Variants in SLC25A17 observed in about 807,000 individuals in gnomAD.
SLC25A17 encodes peroxisomal membrane protein PMP34.
In SLC25A17, 26 loss-of-function variants were observed where a neutral mutation model predicts 38.5. That is an observed-to-expected ratio of 0.68 (90% CI 0.50 to 0.94). The LOEUF is 0.94. Ranked by LOEUF, SLC25A17 falls within the 40% of genes least tolerant of loss-of-function variation. SLC25A17 has a pLI of 0.00. For missense variants in SLC25A17, 333 were observed against 372.7 expected, an observed-to-expected ratio of 0.89 and a Z score of 0.88; for synonymous variants, 139 against 136.2, an observed-to-expected ratio of 1.02 and a Z score of -0.14.
intron 1 of SLC25A17, among the ~76,000 whole-genome samples, chr22:40,799,363 C>CTTTT (rs566690843): frequency 2.2e-5 from 3 of 135,152 alleles, no homozygotes; most frequent in Admixed American, 7.5e-5. Flanking sequence ...GGAGTCACAA[C>CTTTT]TTTTTTTTTT....
intron 2 of SLC25A17, 138 bp downstream of exon 2, chr22:40,798,885 G>A: frequency 1.7e-6 from 1 of 579,432 alleles, no homozygotes; most frequent in Non-Finnish European, 3.1e-6. Flanking sequence ...GAAGGTTGCA[G>A]TGAGCCGAGA....
At chr22:40,799,201 G>T in intron 1 of SLC25A17, 118 bp from the exon 2 acceptor site, 1 of 696,624 alleles carries the variant, frequency 1.4e-6, no homozygotes, top group Non-Finnish European at 2.5e-6. Context: ...GTTTACGGCA[G>T]CCTTGAACTC....
chr22:40,769,747 C>T lies in SLC25A17; in HGVS notation c.*1087G>A, dbSNP rs1278053473. On this transcript the variant is annotated 3_prime_UTR_variant, in exon 9 of 9. Coordinates refer to ENST00000435456, the MANE Select transcript of SLC25A17 (RefSeq NM_006358.4). ...CATGGGTCAGGGGTCCTATGGTCTC[C>T]TGAACTTTAATGTGGCTGTGAATCA... is the stretch of plus-strand genomic sequence containing the variant. 6.6e-6 allele frequency: 1 copy of T among 152,096 alleles called. No individual in the cohort carries two copies. Among genetic ancestry groups the T allele is most frequent in the Non-Finnish European group, 1.5e-5 (1 of 68,018 alleles). The allele number at this position is 152,096 out of a possible 1,614,324, so 9.4% of individuals were successfully genotyped here.
At chr22:40,772,414 T>C (rs1235808087) in intron 8 of SLC25A17, among the ~76,000 whole-genome samples, 3 of 152,058 alleles carry the variant, frequency 2.0e-5, no homozygotes, top group Non-Finnish European at 2.9e-5. Context: ...AAGCAATCCT[T>C]CCACCTCAGC....
In SLC25A17 at chr22:40,777,350, C is replaced by T. The variant is rs536724473; in HGVS notation, c.475G>A (p.Asp159Asn). ...IIDAFHQIIR[D>N]EGISALWNGT... is the part of the protein sequence containing the mutation. ...TTCCATAAAGCCGAGATTCCTTCAT[C>T]GCGAATGATCTGATGAAAAGCATCT... The change falls in exon 6 of 9, where the codon GAT (aspartate) becomes AAT (asparagine). Residue 159 changes from aspartate to asparagine, a missense_variant. Coordinates refer to ENST00000435456, the MANE Select transcript of SLC25A17 (RefSeq NM_006358.4). The T allele has an allele frequency of 4.3e-5, 69 of 1,613,686 alleles. No individual in the cohort carries two copies. Among genetic ancestry groups the T allele is most frequent in the Non-Finnish European group, 5.4e-5 (64 of 1,179,874 alleles).
chr22:40,814,118 G>C (rs1472420011), intron 1 of SLC25A17, among the ~76,000 whole-genome samples: 1 of 152,100 alleles, frequency 6.6e-6, no homozygotes, highest in East Asian at 1.9e-4. Flanking sequence ...TGACAACAGG[G>C]ACCAGATGTT....
At chr22:40,801,219 T>C (rs1312191145) in intron 1 of SLC25A17, among the ~76,000 whole-genome samples, 1 of 145,690 alleles carries the variant, frequency 6.9e-6, no homozygotes, top group African/African-American at 2.5e-5. Context: ...GAAAATTTGG[T>C]AGGCCTATTA....
At chr22:40,808,867 G>A (rs2057552749) in intron 1 of SLC25A17, among the ~76,000 whole-genome samples, 1 of 152,118 alleles carries the variant, frequency 6.6e-6, no homozygotes, top group African/African-American at 2.4e-5. Context: ...AATGCTATTT[G>A]CCTTTCTCAT....
chr22:40,776,337 G>A (rs1243859961), intron 7 of SLC25A17: 3 of 465,890 alleles, frequency 6.4e-6, no homozygotes, highest in Non-Finnish European at 1.3e-5. Flanking sequence ...AGAAGTTTGA[G>A]AGTGCTTCAA....
At chr22:40,774,133 T>G in intron 7 of SLC25A17, 114 bp from the exon 8 acceptor site, 1 of 632,102 alleles carries the variant, frequency 1.6e-6, no homozygotes, top group Non-Finnish European at 2.8e-6. Context: ...ATTAATAAAT[T>G]TATCCAATTA....
chr22:40,796,191 C>T (rs2057427852), intron 2 of SLC25A17, among the ~76,000 whole-genome samples: 1 of 152,204 alleles, frequency 6.6e-6, no homozygotes, highest in Non-Finnish European at 1.5e-5. Flanking sequence ...GGCATTCTCA[C>T]TGAAAACAAA....
At chr22:40,815,141 T>C (rs750515426) in intron 1 of SLC25A17, among the ~76,000 whole-genome samples, 2 of 152,058 alleles carry the variant, frequency 1.3e-5, no homozygotes, top group African/African-American at 4.8e-5. Context: ...TAAATAAGCT[T>C]AGCACAAAGG....
intron 1 of SLC25A17, chr22:40,799,758 G>A (rs1045255503): frequency 6.6e-6 from 1 of 152,084 alleles, no homozygotes; most frequent in Non-Finnish European, 1.5e-5. Flanking sequence ...AATCTATTAG[G>A]ATTAGCAATG....
intron 5 of SLC25A17, 108 bp from the exon 6 acceptor site, chr22:40,777,481 C>T (rs557769871): frequency 2.4e-6 from 3 of 1,274,670 alleles, no homozygotes; most frequent in Non-Finnish European, 1.1e-6. Context: ...CATACTGGTT[C>T]TATAAAGATT....
At chr22:40,777,654 T>C (rs951619710) in intron 5 of SLC25A17, among the ~76,000 whole-genome samples, 5 of 151,874 alleles carry the variant, frequency 3.3e-5, no homozygotes, top group African/African-American at 1.2e-4. Context: ...TGGCGGTGCA[T>C]ACCTGTAATC....
chr22:40,783,966 A>G (rs1025827668), intron 4 of SLC25A17, among the ~76,000 whole-genome samples: 1 of 152,054 alleles, frequency 6.6e-6, no homozygotes, highest in Non-Finnish European at 1.5e-5. Context: ...CGGCCTCTCA[A>G]AGTGTTGGGA....
chr22:40,806,547 A>AT (rs1029174870), intron 1 of SLC25A17, among the ~76,000 whole-genome samples: 6 of 151,884 alleles, frequency 4.0e-5, no homozygotes, highest in Admixed American at 2.0e-4. Context: ...TTGTCTGAGG[A>AT]TTTTTTTTGC....
rs1327472854 is a variant in SLC25A17, at chr22:40,812,028, TTTC to T, written c.54+7164_54+7166del. ...ACCTGGATTTCTTTCTTTTTCTCTT[TTTC>T]TTTCTCTCTCTCTCTCTCTCTCTTT... On this transcript the variant is annotated intron_variant, in intron 1 of 8. Transcript: ENST00000435456. Among the ~76,000 whole-genome samples the T allele has an allele frequency of 2.6e-5, 4 of 152,054 alleles. No homozygotes were observed. The East Asian group carries it at 7.7e-4, about 29-fold the overall frequency.
intron 1 of SLC25A17, among the ~76,000 whole-genome samples, chr22:40,814,988 A>G (rs148864360): frequency 0.018 from 2,790 of 150,958 alleles, 80 homozygotes; most frequent in African/African-American, 0.063. Context: ...CCCGGCTAAT[A>G]TTTTGTATTT....
Sources: gnomAD v4.1 joint callset for allele counts (sites outside exome capture counted in the v4.1 genomes callset) on GRCh38, gnomAD v4.1.1 for gene constraint, MANE v1.5 for transcripts, NCBI Gene and HGNC (gene_info 2026-07-23, HGNC 2026-07-21) for gene names.